SLC36A2: variants seen among roughly 807,000 people sequenced by gnomAD.
SLC36A2 encodes proton-coupled amino acid transporter 2.
A neutral mutation model predicts 42.7 loss-of-function variants in SLC36A2; 39 were observed. The observed-to-expected ratio is 0.91, with a 90% CI of 0.71 to 1.19. The LOEUF is 1.19. Among genes scored for constraint, SLC36A2 ranks in the 50% most tolerant of loss-of-function variants. The probability of loss-of-function intolerance (pLI) is 0.00; values close to 1 mark genes in which losing one functional copy is unlikely to be tolerated. For synonymous variants in SLC36A2, 237 were observed against 240.8 expected, an observed-to-expected ratio of 0.98 and a Z score of 0.15; for missense variants, 590 against 613.7, an observed-to-expected ratio of 0.96 and a Z score of 0.41.
At chr5:151,325,009 C>T (rs1241432657) in intron 8 of SLC36A2, 1 of 473,638 alleles carries the variant, frequency 2.1e-6, no homozygotes, top group Admixed American at 3.2e-5. Context: ...TCCCTTCTCT[C>T]CTTAGTAGAC....
intron 8 of SLC36A2, among the ~76,000 whole-genome samples, chr5:151,323,429 C>T (rs934446295): frequency 1.3e-5 from 2 of 152,132 alleles, no homozygotes; most frequent in African/African-American, 4.8e-5. Flanking sequence ...TTTGAAATTC[C>T]CCTGTTCTGA....
rs967144323 is a variant in SLC36A2 at position 151,339,877 on chromosome 5, A to G, written c.441-733T>C. Among the ~76,000 whole-genome samples the G allele has an allele frequency of 5.9e-5, 9 of 152,356 alleles. No homozygotes were observed. In the South Asian group the frequency reaches 1.9e-3, roughly 32 times the overall value. ...ATACAGTCCCTTCCTCTTGTGGTTT[A>G]TAGACTAATGGGTTAGGTGGACAAA... On this transcript the variant is annotated intron_variant, in intron 4 of 9. Transcript: ENST00000335244.
At chr5:151,340,654 AAG>A (rs1196059538) in intron 4 of SLC36A2, among the ~76,000 whole-genome samples, 1 of 152,340 alleles carries the variant, frequency 6.6e-6, no homozygotes, top group African/African-American at 2.4e-5. Flanking sequence ...ATGTTGAAAA[AAG>A]AGAATGGTCA....
intron 2 of SLC36A2, 48 bp downstream of exon 2, chr5:151,344,129 C>T (rs758025360): frequency 3.2e-6 from 5 of 1,560,256 alleles, no homozygotes; most frequent in Non-Finnish European, 4.4e-6. Flanking sequence ...CCTCTTACTT[C>T]CCTTCTGCAA....
intron 9 of SLC36A2, among the ~76,000 whole-genome samples, chr5:151,320,623 T>A (rs1755658946): frequency 6.6e-6 from 1 of 152,158 alleles, no homozygotes; most frequent in African/African-American, 2.4e-5. Flanking sequence ...CTCCGGGTCA[T>A]GGGGGCTGCT....
At chr5:151,339,655 C>G (rs1313309282) in intron 4 of SLC36A2, among the ~76,000 whole-genome samples, 1 of 152,246 alleles carries the variant, frequency 6.6e-6, no homozygotes, top group Non-Finnish European at 1.5e-5. Flanking sequence ...CCCTCACACT[C>G]TCAGCTCAGC....
intron 4 of SLC36A2, among the ~76,000 whole-genome samples, chr5:151,342,615 C>T (rs529628292): frequency 6.6e-6 from 1 of 152,282 alleles, no homozygotes; most frequent in South Asian, 2.1e-4. Context: ...GTCCCCATGA[C>T]ATGTCCAGGG....
At chr5:151,328,880 A>G (rs1193349016) in intron 7 of SLC36A2, among the ~76,000 whole-genome samples, 1 of 152,236 alleles carries the variant, frequency 6.6e-6, no homozygotes, top group Non-Finnish European at 1.5e-5. Flanking sequence ...GGTCCAGGAA[A>G]GAATCACTAT....
At chr5:151,340,187 GAGGT>G (rs1756292432) in intron 4 of SLC36A2, among the ~76,000 whole-genome samples, 1 of 75,000 alleles carries the variant, frequency 1.3e-5, no homozygotes, top group African/African-American at 8.0e-5. Context: ...GGAGGAGGAA[GAGGT>G]GGAGGAGGAG....
chr5:151,332,437 C>T (rs1450253558), intron 7 of SLC36A2: 1 of 455,974 alleles, frequency 2.2e-6, no homozygotes, highest in Non-Finnish European at 4.4e-6. Flanking sequence ...ACGGCAGTAT[C>T]ATTCATGATT....
intron 1 of SLC36A2, among the ~76,000 whole-genome samples, chr5:151,347,081 G>A (rs1245767217): frequency 6.6e-6 from 1 of 152,192 alleles, no homozygotes; most frequent in African/African-American, 2.4e-5. Context: ...TTCCCCACCT[G>A]TGCCTTTTGG....
intron 9 of SLC36A2, among the ~76,000 whole-genome samples, chr5:151,317,931 AC>A (rs927135143): frequency 3.3e-5 from 5 of 152,108 alleles, no homozygotes; most frequent in Non-Finnish European, 5.9e-5. Context: ...AGCCAAAGAT[AC>A]CCCCTTAATA....
At chr5:151,321,923 C>T in intron 9 of SLC36A2, 123 bp downstream of exon 9, 2 of 1,269,768 alleles carry the variant, frequency 1.6e-6, no homozygotes, top group South Asian at 2.5e-5. Context: ...GGTGATCCAC[C>T]CGCCTCGGCC....
intron 4 of SLC36A2, among the ~76,000 whole-genome samples, chr5:151,341,626 C>T (rs1016285484): frequency 3.3e-5 from 5 of 152,156 alleles, no homozygotes; most frequent in Non-Finnish European, 5.9e-5. Flanking sequence ...TGGGATTTTT[C>T]AGGGAGCAAG....
At chr5:151,339,948 A>G (rs1580861885) in intron 4 of SLC36A2, among the ~76,000 whole-genome samples, 1 of 152,208 alleles carries the variant, frequency 6.6e-6, no homozygotes, top group Non-Finnish European at 1.5e-5. Context: ...AGGGCATTTT[A>G]TCTAAATTAT....
intron 8 of SLC36A2, among the ~76,000 whole-genome samples, chr5:151,322,621 C>A (rs1359908262): frequency 6.6e-6 from 1 of 152,216 alleles, no homozygotes; most frequent in Non-Finnish European, 1.5e-5. Context: ...AGACTCTAGT[C>A]CTTTGTGATC....
chr5:151,323,302 T>G (rs963338941), intron 8 of SLC36A2, among the ~76,000 whole-genome samples: 2 of 151,934 alleles, frequency 1.3e-5, no homozygotes, highest in Non-Finnish European at 2.9e-5. Flanking sequence ...TGTGTGTGTG[T>G]TTAGCCCATT....
chr5:151,326,310 C>T (rs2127289125), intron 7 of SLC36A2, among the ~76,000 whole-genome samples: 2 of 152,328 alleles, frequency 1.3e-5, no homozygotes, highest in South Asian at 4.1e-4. Context: ...CCAGGCCCAC[C>T]TCCCCTCACC....
At chr5:151,324,537 G>A (rs925900675) in intron 8 of SLC36A2, among the ~76,000 whole-genome samples, 2 of 152,036 alleles carry the variant, frequency 1.3e-5, no homozygotes, top group African/African-American at 4.8e-5. Flanking sequence ...TTGCCATGTT[G>A]GCCAGGCTGG....
Sources: gnomAD v4.1 joint callset for allele counts (sites outside exome capture counted in the v4.1 genomes callset) on GRCh38, gnomAD v4.1.1 for gene constraint, MANE v1.5 for transcripts, NCBI Gene and HGNC (gene_info 2026-07-23, HGNC 2026-07-21) for gene names.